Variants in ADAM22 observed in about 807,000 individuals in gnomAD.
ADAM22 encodes ADAM metallopeptidase domain 22.
Under a neutral mutation model 144.6 loss-of-function variants are expected in ADAM22, and 65 were observed. The ratio of observed to expected loss-of-function variants is 0.45; its 90% confidence interval spans 0.37 to 0.55. The LOEUF is 0.55. ADAM22 is among the 20% of genes least tolerant of loss of function. The pLI is 0.00. For synonymous variants in ADAM22, 391 were observed against 412.6 expected (o/e 0.95, Z 0.63); for missense variants, 974 against 1,184.9 (o/e 0.82, Z 2.61).
At chr7:87,985,378 G>A (rs775147231) in intron 3 of ADAM22, among the ~76,000 whole-genome samples, 4 of 151,750 alleles carry the variant, frequency 2.6e-5, no homozygotes, top group African/African-American at 4.8e-5. Context: ...ACAATTCAGT[G>A]ATTTTCAGTA....
intron 3 of ADAM22, among the ~76,000 whole-genome samples, chr7:88,053,628 GAAAGAA>G (rs200653518): frequency 0.019 from 2,110 of 113,720 alleles, 42 homozygotes; most frequent in South Asian, 0.057. Flanking sequence ...AAGAAAGAAA[GAAAGAA>G]AGAAAGAAAG....
intron 17 of ADAM22, among the ~76,000 whole-genome samples, chr7:88,147,015 G>A (rs1304902083): frequency 1.3e-5 from 2 of 152,184 alleles, no homozygotes; most frequent in Non-Finnish European, 2.9e-5. Context: ...AATCCTCAAT[G>A]TTTTAAGTCT....
Position 88,196,815 on chromosome 7 carries a change from G to A in ADAM22, c.*324G>A. 6.2e-6 allele frequency: 2 copies of A among 321,384 alleles called. No homozygotes were observed. Among genetic ancestry groups the A allele is most frequent in the Non-Finnish European group, 5.9e-6 (1 of 168,762 alleles). The allele number at this position is 321,384 out of a possible 1,614,324, so 19.9% of individuals were successfully genotyped here. A position where few individuals can be genotyped will look rare whatever the true frequency, so the allele number is the denominator to read the frequency against. On this transcript the variant is annotated 3_prime_UTR_variant, in exon 32 of 32. Coordinates refer to ENST00000413139, the MANE Select transcript of ADAM22 (RefSeq NM_001324418.2). Reference sequence around the variant, plus strand: ...TAAAGTTAACTCACATGACCCAAATGTAGCAAGTTTCCTAAGGTACAATAG... The same window carrying A: ...TAAAGTTAACTCACATGACCCAAATATAGCAAGTTTCCTAAGGTACAATAG...
chr7:88,194,899 G>C (rs1850358912), intron 31 of ADAM22, among the ~76,000 whole-genome samples: 1 of 152,126 alleles, frequency 6.6e-6, no homozygotes, highest in Non-Finnish European at 1.5e-5. Context: ...ACAAGGGGTT[G>C]GTGTCTTTTC....
chr7:88,196,551 A>G lies in ADAM22; in HGVS notation c.*60A>G, dbSNP rs2129541757. 6.4e-7 allele frequency: 1 copy of G among 1,562,590 alleles called. No homozygotes were observed. The highest frequency in any genetic ancestry group is 1.7e-5 in the Admixed American group (1 of 59,932). On this transcript the variant is annotated 3_prime_UTR_variant, in exon 32 of 32. Coordinates refer to ENST00000413139, the MANE Select transcript of ADAM22 (RefSeq NM_001324418.2). ...TTTACTTCAACTTTTATAGAAACCC[A>G]GGCTCATGGAATCACTGCAAATCTA...
At chr7:87,937,002 C>T (rs1447237193) in intron 2 of ADAM22, among the ~76,000 whole-genome samples, 1 of 152,118 alleles carries the variant, frequency 6.6e-6, no homozygotes, top group African/African-American at 2.4e-5. Flanking sequence ...GTCACCCAGA[C>T]AGGAGTGCAG....
At chr7:88,019,588 C>T (rs528651576) in intron 3 of ADAM22, among the ~76,000 whole-genome samples, 26 of 152,094 alleles carry the variant, frequency 1.7e-4, no homozygotes, top group Non-Finnish European at 2.6e-4. Context: ...TGGCTCATGC[C>T]TGTAATCCCA....
At chr7:88,151,455 G>A in intron 20 of ADAM22, 135 bp downstream of exon 20, 1 of 990,950 alleles carries the variant, frequency 1.0e-6, no homozygotes, top group Non-Finnish European at 1.5e-6. Context: ...GTCTTAGCAG[G>A]GGCATGTTTC....
intron 6 of ADAM22, among the ~76,000 whole-genome samples, 186 bp from the exon 7 acceptor site, chr7:88,116,559 G>A (rs1827812199): frequency 6.6e-6 from 1 of 152,198 alleles, no homozygotes. Context: ...CTCATTGGAT[G>A]TTGCTCTGGT....
Position 88,131,338 on chromosome 7 carries a change from T to A in ADAM22, c.895T>A (p.Phe299Ile). ...GGAAACCTGGGCGACTGACAACAAG[T>A]TTGCCATATCTGAAAATCCATTGAT... ...AMETWATDNKFAISENPLITL... is the reference protein window; with the variant it reads ...AMETWATDNKIAISENPLITL... Residue 299 changes from phenylalanine (F) to isoleucine (I), a missense_variant, in exon 11 of 32, where the codon TTT becomes ATT. This residue lies in a region of ADAM22 where 734 missense variants were observed against 950.6 expected (regional missense o/e 0.77). Transcript: ENST00000413139. 1 of 1,613,782 alleles carries A rather than the reference T, an allele frequency of 6.2e-7. No homozygotes were observed. The highest frequency in any genetic ancestry group is 8.5e-7 in the Non-Finnish European group (1 of 1,179,856).
chr7:88,016,188 A>G (rs2129461861), intron 3 of ADAM22, among the ~76,000 whole-genome samples: 1 of 152,304 alleles, frequency 6.6e-6, no homozygotes, highest in East Asian at 1.9e-4. Context: ...TCTTCATGCA[A>G]ATTGAAGTTT....
At chr7:88,010,963 G>A (rs1418232590) in intron 3 of ADAM22, among the ~76,000 whole-genome samples, 2 of 152,148 alleles carry the variant, frequency 1.3e-5, no homozygotes, top group Non-Finnish European at 2.9e-5. Context: ...GTAATTTTTT[G>A]TGATTAGTAA....
chr7:87,977,475 A>G (rs562329120), intron 2 of ADAM22, among the ~76,000 whole-genome samples: 1 of 152,312 alleles, frequency 6.6e-6, no homozygotes, highest in East Asian at 1.9e-4. Flanking sequence ...GATTATACAT[A>G]TTGATTTTAG....
At chr7:88,022,327 T>G (rs1798021764) in intron 3 of ADAM22, among the ~76,000 whole-genome samples, 1 of 152,224 alleles carries the variant, frequency 6.6e-6, no homozygotes, top group Non-Finnish European at 1.5e-5. Flanking sequence ...GTTCATGACA[T>G]TGCAATTCAA....
At chr7:88,174,220 A>C (rs1443698794) in intron 26 of ADAM22, among the ~76,000 whole-genome samples, 1 of 152,250 alleles carries the variant, frequency 6.6e-6, no homozygotes, top group South Asian at 2.1e-4. Context: ...ATTATATTCT[A>C]TGTTTTCTTG....
At chr7:88,035,803 T>C (rs1463008890) in intron 3 of ADAM22, among the ~76,000 whole-genome samples, 3 of 152,142 alleles carry the variant, frequency 2.0e-5, no homozygotes, top group African/African-American at 2.4e-5. Flanking sequence ...CTGGAACCAA[T>C]TCCCCAAGGA....
At chr7:88,080,703 G>GTGAC (rs1816284288) in intron 4 of ADAM22, among the ~76,000 whole-genome samples, 1 of 152,124 alleles carries the variant, frequency 6.6e-6, no homozygotes, top group South Asian at 2.1e-4. Context: ...ACTACCATCA[G>GTGAC]AGAATACTAC....
chr7:88,057,682 G>A (rs2129475998), intron 3 of ADAM22, among the ~76,000 whole-genome samples: 1 of 152,320 alleles, frequency 6.6e-6, no homozygotes, highest in African/African-American at 2.4e-5. Flanking sequence ...GTTTGTCTAG[G>A]TGTGATTACT....
chr7:87,975,826 A>G (rs1283553686), intron 2 of ADAM22, among the ~76,000 whole-genome samples: 3 of 152,202 alleles, frequency 2.0e-5, no homozygotes, highest in Non-Finnish European at 2.9e-5. Flanking sequence ...AAGAGCTTTA[A>G]TAGTCCTACA....
Sources: gnomAD v4.1 joint callset for allele counts (sites outside exome capture counted in the v4.1 genomes callset) on GRCh38, gnomAD v4.1.1 for gene constraint, gnomAD v4.1.1 regional missense constraint, MANE v1.5 for transcripts, NCBI Gene and HGNC (gene_info 2026-07-23, HGNC 2026-07-21) for gene names.